The following CTNNA2 variants were observed in gnomAD, a reference collection of about 807,000 sequenced individuals.
The protein encoded by CTNNA2 is catenin alpha-2.
A neutral mutation model predicts 101.0 loss-of-function variants in CTNNA2; 42 were observed. The ratio of observed to expected loss-of-function variants is 0.42; its 90% CI spans 0.32 to 0.54. The LOEUF (loss-of-function observed/expected upper bound fraction) is 0.54. Among genes scored for constraint, CTNNA2 ranks in the 20% least tolerant of loss-of-function variants. The pLI is 0.14. For missense variants in CTNNA2, 871 were observed against 1,223.1 expected (o/e 0.71, Z 4.29); for synonymous variants, 450 against 456.4 (o/e 0.99, Z 0.18).
At chr2:80,153,815 A>G (rs931159682) in intron 7 of CTNNA2, among the ~76,000 whole-genome samples, 46 of 152,374 alleles carry the variant, frequency 3.0e-4, no homozygotes, top group African/African-American at 1.1e-3. Flanking sequence ...ATTGAGATGT[A>G]CAGAGCATTG....
chr2:79,609,727 G>A (rs1402079771), intron 1 of CTNNA2, among the ~76,000 whole-genome samples: 3 of 152,104 alleles, frequency 2.0e-5, no homozygotes, highest in South Asian at 2.1e-4. Flanking sequence ...AAATGGTGCC[G>A]GAACAGTTGT....
chr2:79,632,483 G>A (rs142995178), intron 1 of CTNNA2, among the ~76,000 whole-genome samples: 24 of 152,224 alleles, frequency 1.6e-4, no homozygotes, highest in Non-Finnish European at 3.5e-4. Context: ...TTTATAGTGC[G>A]ATGCTTCTAG....
At chr2:80,223,755 T>C (rs1215899384) in intron 7 of CTNNA2, among the ~76,000 whole-genome samples, 1 of 152,134 alleles carries the variant, frequency 6.6e-6, no homozygotes, top group Non-Finnish European at 1.5e-5. Context: ...TAGGCTCCCA[T>C]CTAGTTTGGA....
intron 7 of CTNNA2, among the ~76,000 whole-genome samples, chr2:80,241,293 C>T (rs1670919484): frequency 6.6e-6 from 1 of 151,214 alleles, no homozygotes; most frequent in African/African-American, 2.4e-5. Flanking sequence ...AAAATTGAGA[C>T]ATATAGGTTA....
At chr2:79,207,607 T>G (rs1162968303) in intron 2 of CTNNA2, among the ~76,000 whole-genome samples, 1 of 152,122 alleles carries the variant, frequency 6.6e-6, no homozygotes, top group Non-Finnish European at 1.5e-5. Flanking sequence ...CGTACCAACA[T>G]TTGTGAAGAA....
At chr2:80,395,736 T>C (rs893816843) in intron 8 of CTNNA2, among the ~76,000 whole-genome samples, 4 of 152,334 alleles carry the variant, frequency 2.6e-5, no homozygotes, top group African/African-American at 9.6e-5. Flanking sequence ...ATACTTTCTA[T>C]TCTTTCAATT....
At chr2:79,902,121 A>C (rs1234241852) in intron 6 of CTNNA2, among the ~76,000 whole-genome samples, 1 of 152,212 alleles carries the variant, frequency 6.6e-6, no homozygotes, top group Non-Finnish European at 1.5e-5. Context: ...AGTATGAAAG[A>C]ATAATATGCT....
Position 80,302,098 on chromosome 2 carries a change from TA to T in CTNNA2, c.1057-91109del. ...TTTTGTTTTTAAGACACAATAAAGC[TA>T]AAATGTCAAGTCTCTGGGAGAGATC... On this transcript the variant is annotated intron_variant, in intron 7 of 18. Coordinates refer to ENST00000402739, the MANE Select transcript of CTNNA2 (RefSeq NM_001282597.3). This position sits in a 1 kb window ranked among gnomAD's most constrained non-coding sequence, Gnocchi z 6.4. 9.5e-7 allele frequency: 1 copy of T among 1,053,326 alleles called. No homozygotes were observed. Among genetic ancestry groups the T allele is most frequent in the Non-Finnish European group, 1.3e-6 (1 of 756,740 alleles). 65.2% of individuals were successfully genotyped at this position (1,053,326 alleles called of 1,614,324 possible). A position where few individuals can be genotyped will look rare whatever the true frequency, so the allele number is the denominator to read the frequency against.
chr2:79,266,170 T>G (rs1336045737), intron 2 of CTNNA2, among the ~76,000 whole-genome samples: 2 of 152,186 alleles, frequency 1.3e-5, no homozygotes, highest in African/African-American at 4.8e-5. Flanking sequence ...GACTTCAAAC[T>G]GCTAGTACCT....
At chr2:79,569,559 T>G (rs1371910285) in intron 1 of CTNNA2, among the ~76,000 whole-genome samples, 1 of 152,180 alleles carries the variant, frequency 6.6e-6, no homozygotes, top group Non-Finnish European at 1.5e-5. Flanking sequence ...ACTTAATTTT[T>G]GATTTCCAAC....
intron 8 of CTNNA2, 134 bp from the exon 9 acceptor site, chr2:80,419,315 T>G (rs1680305981): frequency 3.0e-6 from 2 of 660,594 alleles, no homozygotes; most frequent in East Asian, 2.8e-5. Flanking sequence ...ATGTAAGCAC[T>G]GGGAAAATTT....
chr2:79,810,526 C>CT (rs58252886), intron 3 of CTNNA2, among the ~76,000 whole-genome samples: 3,330 of 143,202 alleles, frequency 0.023, 80 homozygotes, highest in African/African-American at 0.059. Context: ...CTTTTCTTTT[C>CT]TTTTTTTTTT....
At chr2:80,006,090 T>C (rs1693321897) in intron 7 of CTNNA2, among the ~76,000 whole-genome samples, 1 of 152,058 alleles carries the variant, frequency 6.6e-6, no homozygotes. Context: ...TAAAGTAGGT[T>C]TAGACTTGAT....
chr2:80,622,551 TA>T lies in CTNNA2; in HGVS notation c.2574+3325del, dbSNP rs533587830. Among the ~76,000 whole-genome samples the T allele has an allele frequency of 5.3e-5, 8 of 152,020 alleles. No homozygotes were observed. The South Asian group carries it at 1.7e-3, about 32-fold the overall frequency. ...TTAACAGCCAATATTGACAAGGTTTTAACACTAAGTAAAACTGAACATGATT... is the reference window on the plus strand; with the variant it reads ...TTAACAGCCAATATTGACAAGGTTTTACACTAAGTAAAACTGAACATGATT... On this transcript the variant is annotated intron_variant, in intron 18 of 18. Transcript: ENST00000402739.
At chr2:79,321,522 A>C (rs1676623066) in intron 3 of CTNNA2, among the ~76,000 whole-genome samples, 2 of 152,222 alleles carry the variant, frequency 1.3e-5, no homozygotes, top group South Asian at 4.1e-4. Context: ...GCTGCTAAGA[A>C]TTGGCTAGGG....
intron 2 of CTNNA2, among the ~76,000 whole-genome samples, chr2:79,308,082 T>C (rs564632340): frequency 1.7e-4 from 26 of 152,338 alleles, no homozygotes; most frequent in African/African-American, 5.8e-4. Flanking sequence ...TTTGCTCTTG[T>C]TGCCCAGGCT....
At position 79,746,225 on chromosome 2, in the gene CTNNA2, C is replaced by A. The variant is rs145736976; in HGVS notation, c.298+1643C>A. Reference sequence around the variant, plus strand: ...TTTTTTTCGGAGAAATATTTCCAGTCTTTTGCCCATTTCTGAATCAAGTTG... The same window carrying A: ...TTTTTTTCGGAGAAATATTTCCAGTATTTTGCCCATTTCTGAATCAAGTTG... On this transcript the variant is annotated intron_variant, in intron 3 of 18. Coordinates refer to ENST00000402739, the MANE Select transcript of CTNNA2 (RefSeq NM_001282597.3). 1.5e-3 allele frequency among the ~76,000 whole-genome samples: 222 copies of A among 152,180 alleles called. 8 individuals are homozygous for A. In the East Asian group the frequency reaches 0.037, roughly 25 times the overall value.
intron 7 of CTNNA2, among the ~76,000 whole-genome samples, chr2:80,235,725 T>TA (rs1709515665): frequency 1.3e-5 from 2 of 152,220 alleles, no homozygotes; most frequent in African/African-American, 4.8e-5. Flanking sequence ...TACCTGGTGT[T>TA]AGTCTCTTGA....
At chr2:79,710,197 C>A (rs768428029) in intron 2 of CTNNA2, among the ~76,000 whole-genome samples, 1 of 151,650 alleles carries the variant, frequency 6.6e-6, no homozygotes, top group African/African-American at 2.4e-5. Flanking sequence ...TCTTCTAAAC[C>A]ATTATTAAAA....
Sources: gnomAD v4.1 joint callset for allele counts (sites outside exome capture counted in the v4.1 genomes callset) on GRCh38, gnomAD v4.1.1 for gene constraint, Gnocchi (gnomAD v3.1) non-coding constraint, MANE v1.5 for transcripts, NCBI Gene and HGNC (gene_info 2026-07-23, HGNC 2026-07-21) for gene names.